The following CKMT2 variants were observed in gnomAD, a reference collection of about 807,000 sequenced individuals.
The protein encoded by CKMT2 is creatine kinase, mitochondrial 2, also known as creatine kinase S-type, mitochondrial.
In CKMT2, 43 loss-of-function variants were observed where a neutral mutation model predicts 48.9. That is an observed-to-expected ratio of 0.88 (90% confidence interval 0.69 to 1.13). CKMT2 has a LOEUF of 1.13. CKMT2 is among the 50% of genes most tolerant of loss of function. The pLI is 0.00. For missense variants in CKMT2, 472 were observed against 555.4 expected, an observed-to-expected ratio of 0.85 and a Z score of 1.51; for synonymous variants, 206 against 213.0, an observed-to-expected ratio of 0.97 and a Z score of 0.29.
chr5:81,256,821 A>T, intron 5 of CKMT2, 94 bp from the exon 6 acceptor site: 1 of 830,776 alleles, frequency 1.2e-6, no homozygotes, highest in Non-Finnish European at 2.0e-6. Flanking sequence ...GACAGCAGCC[A>T]TGATAAGTGG....
intron 1 of CKMT2, among the ~76,000 whole-genome samples, chr5:81,244,376 C>T (rs530419991): frequency 4.6e-5 from 7 of 152,212 alleles, no homozygotes; most frequent in South Asian, 2.1e-4. Flanking sequence ...CTGAGCAGTT[C>T]GACAGTCTGA....
chr5:81,248,550 T>C (rs764084948), intron 1 of CKMT2, among the ~76,000 whole-genome samples: 2 of 152,186 alleles, frequency 1.3e-5, no homozygotes, highest in Non-Finnish European at 2.9e-5. Context: ...GATACTGACA[T>C]GATGACCTGA....
chr5:81,266,139 G>T lies in CKMT2; in HGVS notation c.1141G>T (p.Val381Phe). 1 of 1,612,136 alleles carries T rather than the reference G, an allele frequency of 6.2e-7. No individual in the cohort carries two copies. The highest frequency in any genetic ancestry group is 1.7e-4 in the Middle Eastern group (1 of 6,050). ...TCATTCATCTTCTTCACTGTCAAAGGTTGAGCTTGTTCAGATAGTCATCGA... is the reference window on the plus strand; with the variant it reads ...TCATTCATCTTCTTCACTGTCAAAGTTTGAGCTTGTTCAGATAGTCATCGA... ...SNIDRIGRSE[V>F]ELVQIVIDGV... is the part of the protein sequence containing the mutation. The change falls in exon 10 of 10, where the codon GTT (valine) becomes TTT (phenylalanine). Residue 381 changes from valine (V) to phenylalanine (F), a missense_variant and splice_region_variant. Transcript: ENST00000254035.
chr5:81,254,497 C>T lies in CKMT2; in HGVS notation c.447+6C>T. ...CGGATCTGGATGCATCAAAGGTAGG[C>T]TCCAGCCTCCCTCTCCTTCCCCACG... On this transcript the variant is annotated splice_donor_region_variant and intron_variant, in intron 4 of 9. Coordinates refer to ENST00000254035, the MANE Select transcript of CKMT2 (RefSeq NM_001099735.2). 1 of 1,612,484 alleles carries T rather than the reference C, an allele frequency of 6.2e-7. No individual in the cohort carries two copies. The highest frequency in any genetic ancestry group is 1.1e-5 in the South Asian group (1 of 91,048).
At chr5:81,255,285 CT>C in intron 5 of CKMT2, 71 bp downstream of exon 5, 1 of 1,372,752 alleles carries the variant, frequency 7.3e-7, no homozygotes, top group Non-Finnish European at 1.0e-6. Context: ...AAGGCCTCTC[CT>C]GGTGCTCTGC....
rs575143115 is a variant in CKMT2 at position 81,248,873 on chromosome 5, T to G, written c.-20-2240T>G. Among the ~76,000 whole-genome samples the G allele has an allele frequency of 5.3e-5, 8 of 152,304 alleles. No individual in the cohort carries two copies. In the East Asian group the frequency reaches 9.6e-4, roughly 18 times the overall value. On this transcript the variant is annotated intron_variant, in intron 1 of 9. Transcript: ENST00000254035. ...TTTTAGTTGGGACATTCAGGTTTAG[T>G]AGAGACTTCGAAATGACGGTTCTAT...
chr5:81,233,481 A>T, intron 1 of CKMT2, 104 bp downstream of exon 1: 7 of 826,428 alleles, frequency 8.5e-6, no homozygotes, highest in Non-Finnish European at 1.0e-5. Context: ...GTAGACGGGG[A>T]CCCCGTTAGG....
chr5:81,241,015 G>A (rs936070948), intron 1 of CKMT2, among the ~76,000 whole-genome samples: 2 of 152,154 alleles, frequency 1.3e-5, no homozygotes, highest in Non-Finnish European at 2.9e-5. Flanking sequence ...TTACTCATCA[G>A]ACATTTAATG....
intron 5 of CKMT2, among the ~76,000 whole-genome samples, chr5:81,255,419 A>C (rs1375590446): frequency 6.6e-6 from 1 of 152,252 alleles, no homozygotes; most frequent in Non-Finnish European, 1.5e-5. Flanking sequence ...AGCCACTGAA[A>C]CATTCTATGC....
intron 7 of CKMT2, among the ~76,000 whole-genome samples, chr5:81,258,900 G>T (rs918612363): frequency 6.6e-6 from 1 of 152,138 alleles, no homozygotes; most frequent in Admixed American, 6.6e-5. Context: ...TGCAAAAATG[G>T]TTGGGGACCA....
intron 1 of CKMT2, among the ~76,000 whole-genome samples, chr5:81,250,248 G>A (rs568283149): frequency 6.6e-6 from 1 of 152,128 alleles, no homozygotes; most frequent in Admixed American, 6.5e-5. Context: ...GGTTCAATTT[G>A]GTTCTTACAA....
chr5:81,263,662 T>C (rs1281638877), intron 9 of CKMT2, 46 bp downstream of exon 9: 1 of 1,557,250 alleles, frequency 6.4e-7, no homozygotes, highest in South Asian at 1.2e-5. Flanking sequence ...AAAATCAGCC[T>C]AAGAGAGAAT....
rs1373607366 is a variant in CKMT2, at chr5:81,263,629, T to C, written c.1140+13T>C. ...TGGTCGATCAGAGGTAACGTCTCTC[T>C]CACTTTCCTAACATGAACTAACAAA... On this transcript the variant is annotated intron_variant, in intron 9 of 9. Transcript: ENST00000254035. The C allele has an allele frequency of 1.9e-6, 3 of 1,597,402 alleles. No individual in the cohort carries two copies. Among genetic ancestry groups the C allele is most frequent in the Non-Finnish European group, 2.6e-6 (3 of 1,169,950 alleles).
chr5:81,254,952 G>C, intron 4 of CKMT2, 41 bp from the exon 5 acceptor site: 1 of 1,552,778 alleles, frequency 6.4e-7, no homozygotes, highest in Non-Finnish European at 8.9e-7. Context: ...CAGGACCATG[G>C]TCCGAGGCTG....
intron 6 of CKMT2, among the ~76,000 whole-genome samples, chr5:81,257,234 T>C (rs1198512999): frequency 6.6e-6 from 1 of 151,830 alleles, no homozygotes; most frequent in Non-Finnish European, 1.5e-5. Context: ...CTGGTTTGCA[T>C]GAATTATGTG....
chr5:81,259,612 G>A (rs1757139691), intron 8 of CKMT2, among the ~76,000 whole-genome samples: 1 of 152,076 alleles, frequency 6.6e-6, no homozygotes, highest in South Asian at 2.1e-4. Flanking sequence ...TGAAGGACTT[G>A]GTAAAACACA....
Position 81,255,132 on chromosome 5 carries a change from T to C in CKMT2, c.587T>C (p.Leu196Pro), listed in dbSNP as rs1272488797. 6.2e-7 allele frequency: 1 copy of C among 1,614,104 alleles called. No homozygotes were observed. Residue 196 changes from leucine to proline, a missense_variant, in exon 5 of 10, where the codon CTG becomes CCG. Physicochemically the swap from Leu to Pro is moderately conservative, Grantham distance 98 (BLOSUM62 -3). Coordinates refer to ENST00000254035, the MANE Select transcript of CKMT2 (RefSeq NM_001099735.2). ...REVENVAITA[L>P]EGLKGDLAGR... ...GTAGAGAACGTGGCCATCACTGCCC[T>C]GGAGGGCCTCAAGGGGGACCTGGCT...
intron 9 of CKMT2, 32 bp from the exon 10 acceptor site, chr5:81,266,106 CA>C: frequency 6.2e-7 from 1 of 1,605,674 alleles, no homozygotes; most frequent in Non-Finnish European, 8.5e-7. Context: ...TGCTTCTATT[CA>C]AATTAATCAT....
chr5:81,264,223 A>G (rs1757322361), intron 9 of CKMT2, among the ~76,000 whole-genome samples: 1 of 152,230 alleles, frequency 6.6e-6, no homozygotes, highest in Non-Finnish European at 1.5e-5. Context: ...TGAAACAATG[A>G]ATGAGGCAAA....
Sources: gnomAD v4.1 joint callset for allele counts (sites outside exome capture counted in the v4.1 genomes callset) on GRCh38, gnomAD v4.1.1 for gene constraint, MANE v1.5 for transcripts, NCBI Gene and HGNC (gene_info 2026-07-23, HGNC 2026-07-21) for gene names.